The following AUH variants were observed in gnomAD, a reference collection of about 807,000 sequenced individuals.
The protein encoded by AUH is AU RNA binding methylglutaconyl-CoA hydratase, also known as methylglutaconyl-CoA hydratase, mitochondrial.
A neutral mutation model predicts 42.3 loss-of-function variants in AUH; 29 were observed. The observed-to-expected ratio is 0.69, with a 90% CI of 0.51 to 0.93. AUH has a LOEUF of 0.93. Ranked by LOEUF, AUH falls within the 40% of genes least tolerant of loss-of-function variation. The pLI is 0.00. For missense variants in AUH, 452 were observed against 438.1 expected (o/e 1.03, Z -0.28); for synonymous variants, 174 against 166.4 (o/e 1.05, Z -0.35).
At chr9:91,274,290 T>C (rs1825378047) in intron 6 of AUH, among the ~76,000 whole-genome samples, 1 of 152,224 alleles carries the variant, frequency 6.6e-6, no homozygotes, top group African/African-American at 2.4e-5. Context: ...AGCAATGGGC[T>C]AGATACTGTT....
At chr9:91,333,365 T>C (rs1830473255) in intron 3 of AUH, among the ~76,000 whole-genome samples, 1 of 152,254 alleles carries the variant, frequency 6.6e-6, no homozygotes, top group African/African-American at 2.4e-5. Flanking sequence ...ACAAAATGTG[T>C]ATGCAAATTA....
intron 6 of AUH, among the ~76,000 whole-genome samples, chr9:91,256,788 G>A (rs1374477649): frequency 2.6e-5 from 4 of 152,072 alleles, no homozygotes; most frequent in Non-Finnish European, 5.9e-5. Flanking sequence ...CTACTCTCTG[G>A]TGTGGTGAGG....
chr9:91,345,881 A>G (rs923289493), intron 3 of AUH, among the ~76,000 whole-genome samples: 2 of 151,558 alleles, frequency 1.3e-5, no homozygotes, highest in Non-Finnish European at 2.9e-5. Flanking sequence ...TAACTCACAC[A>G]TATACTGTCA....
At chr9:91,361,203 G>A (rs562548383) in intron 1 of AUH, among the ~76,000 whole-genome samples, 1 of 152,296 alleles carries the variant, frequency 6.6e-6, no homozygotes, top group East Asian at 1.9e-4. Flanking sequence ...AAGATTCTCC[G>A]TAATAATAAA....
chr9:91,286,010 T>C lies in AUH; in HGVS notation c.655+10011A>G, dbSNP rs189383044. On this transcript the variant is annotated intron_variant, in intron 6 of 9. Coordinates refer to ENST00000375731, the MANE Select transcript of AUH (RefSeq NM_001698.3). ...AAAAAAATCGTTTTGTTATGCTTTT[T>C]TTTCTTCCTGGAATAGTATGACCTT... 4.3e-4 allele frequency among the ~76,000 whole-genome samples: 65 copies of C among 152,268 alleles called. 1 individual carries two copies. In the East Asian group the frequency reaches 7.7e-3, roughly 18 times the overall value.
At chr9:91,281,238 A>G (rs1825942079) in intron 6 of AUH, among the ~76,000 whole-genome samples, 1 of 152,206 alleles carries the variant, frequency 6.6e-6, no homozygotes, top group Non-Finnish European at 1.5e-5. Context: ...TTCAGACTGA[A>G]TAATAATTTC....
rs771187430 is a variant in AUH, at chr9:91,351,223, G to A, written c.418+4660C>T. ...TAGGCTCAAGCCAACTGCCTACCTC[G>A]GCCTCCCAAAGTGCTGGGACTACAG... On this transcript the variant is annotated intron_variant, in intron 3 of 9. Transcript: ENST00000375731. 9.2e-5 allele frequency among the ~76,000 whole-genome samples: 14 copies of A among 152,130 alleles called. 1 individual carries two copies. Among genetic ancestry groups the A allele is most frequent in the South Asian group, 4.1e-4 (2 of 4,826 alleles).
intron 4 of AUH, among the ~76,000 whole-genome samples, chr9:91,316,118 T>C (rs1193637086): frequency 2.0e-5 from 3 of 152,246 alleles, no homozygotes; most frequent in African/African-American, 7.2e-5. Context: ...AGCTTTTTGC[T>C]ATTAACAATG....
At chr9:91,268,035 C>G (rs1386887842) in intron 6 of AUH, among the ~76,000 whole-genome samples, 1 of 152,086 alleles carries the variant, frequency 6.6e-6, no homozygotes, top group African/African-American at 2.4e-5. Context: ...CTCCAGATGA[C>G]CAGGAGGATG....
chr9:91,282,644 C>CCAA (rs1290296165), intron 6 of AUH, among the ~76,000 whole-genome samples: 9 of 152,136 alleles, frequency 5.9e-5, no homozygotes, highest in Non-Finnish European at 8.8e-5. Context: ...GCTCCGATCC[C>CCAA]ACGGAAATAC....
chr9:91,220,044 T>C (rs1311246674), intron 7 of AUH, among the ~76,000 whole-genome samples: 2 of 152,222 alleles, frequency 1.3e-5, no homozygotes, highest in Non-Finnish European at 2.9e-5. Flanking sequence ...TCACTACTGC[T>C]TACACAGCAA....
chr9:91,331,161 G>C (rs1311774468), intron 3 of AUH, among the ~76,000 whole-genome samples: 1 of 151,996 alleles, frequency 6.6e-6, no homozygotes, highest in Non-Finnish European at 1.5e-5. Context: ...AAGCAAGGGA[G>C]ACAAAAAGAG....
chr9:91,343,293 A>G (rs1219939818), intron 3 of AUH: 1 of 152,202 alleles, frequency 6.6e-6, no homozygotes, highest in East Asian at 1.9e-4. Context: ...GAAGCTAGAA[A>G]TAAGAGTAAA....
At chr9:91,348,978 C>T (rs1831746101) in intron 3 of AUH, among the ~76,000 whole-genome samples, 1 of 152,076 alleles carries the variant, frequency 6.6e-6, no homozygotes, top group Non-Finnish European at 1.5e-5. Flanking sequence ...TAAACTAATA[C>T]AAACTTGTTA....
intron 6 of AUH, among the ~76,000 whole-genome samples, chr9:91,244,552 T>C (rs1265560146): frequency 6.6e-6 from 1 of 152,246 alleles, no homozygotes. Flanking sequence ...TTCATATAAA[T>C]GTTGACACTT....
chr9:91,269,395 T>TA (rs1564050538), intron 6 of AUH, among the ~76,000 whole-genome samples: 1 of 152,238 alleles, frequency 6.6e-6, no homozygotes. Flanking sequence ...GAAAATATGA[T>TA]AGAGACAGAC....
chr9:91,260,286 A>G (rs1458648629), intron 6 of AUH, among the ~76,000 whole-genome samples: 1 of 151,982 alleles, frequency 6.6e-6, no homozygotes, highest in Non-Finnish European at 1.5e-5. Context: ...TAATCTGACA[A>G]TCTCTTCCTT....
At chr9:91,310,208 A>G (rs1324756804) in intron 4 of AUH, among the ~76,000 whole-genome samples, 1 of 152,240 alleles carries the variant, frequency 6.6e-6, no homozygotes, top group Non-Finnish European at 1.5e-5. Flanking sequence ...TCATTCTATC[A>G]TTCTCAGTCA....
intron 4 of AUH, among the ~76,000 whole-genome samples, chr9:91,304,023 A>G (rs1339692008): frequency 6.6e-6 from 1 of 152,196 alleles, no homozygotes; most frequent in East Asian, 1.9e-4. Flanking sequence ...AGTCTCAGGC[A>G]CCACAGACCT....
Sources: allele counts gnomAD v4.1 joint callset (sites outside exome capture counted in the v4.1 genomes callset), GRCh38; gene constraint gnomAD v4.1.1; transcripts MANE v1.5; gene names NCBI Gene and HGNC (gene_info 2026-07-23, HGNC 2026-07-21).